The following CSMD3 variants were observed in gnomAD, a reference collection of about 807,000 sequenced individuals.
CSMD3 encodes CUB and Sushi multiple domains 3.
In CSMD3, 177 loss-of-function variants were observed where a neutral mutation model predicts 435.2. The ratio of observed to expected loss-of-function variants is 0.41; its 90% CI spans 0.36 to 0.46. The LOEUF is 0.46. Among genes scored for constraint, CSMD3 ranks in the 20% least tolerant of loss-of-function variants. The probability of loss-of-function intolerance (pLI) is 0.34; values close to 1 mark genes in which losing one functional copy is unlikely to be tolerated. For synonymous variants in CSMD3, 1,656 were observed against 1,520.5 expected (o/e 1.09, Z -2.07); for missense variants, 4,265 against 4,504.6 (o/e 0.95, Z 1.52).
At chr8:112,953,618 T>C (rs2083905128) in intron 8 of CSMD3, among the ~76,000 whole-genome samples, 1 of 151,400 alleles carries the variant, frequency 6.6e-6, no homozygotes, top group African/African-American at 2.4e-5. Context: ...CATTTGAAAA[T>C]TATGACACCA....
chr8:112,881,068 C>A (rs2081433993), intron 10 of CSMD3, among the ~76,000 whole-genome samples: 2 of 152,028 alleles, frequency 1.3e-5, no homozygotes, highest in African/African-American at 2.4e-5. Context: ...ATTCAACCTA[C>A]ACTATGTATT....
chr8:112,710,165 C>T (rs1165201113), intron 13 of CSMD3, among the ~76,000 whole-genome samples: 1 of 151,978 alleles, frequency 6.6e-6, no homozygotes, highest in African/African-American at 2.4e-5. Flanking sequence ...TCAGATAAAG[C>T]CAATTTATTT....
intron 3 of CSMD3, among the ~76,000 whole-genome samples, chr8:113,255,688 G>T (rs1276271542): frequency 6.6e-6 from 1 of 151,884 alleles, no homozygotes; most frequent in African/African-American, 2.4e-5. Context: ...ATAAAAAACA[G>T]AACATATTAC....
intron 35 of CSMD3, among the ~76,000 whole-genome samples, chr8:112,392,147 T>C (rs1586969131): frequency 6.6e-6 from 1 of 152,112 alleles, no homozygotes; most frequent in East Asian, 1.9e-4. Flanking sequence ...TTGCTACAAA[T>C]ATTATTTTAG....
chr8:112,683,382 T>C (rs934231446), intron 15 of CSMD3, among the ~76,000 whole-genome samples: 1 of 152,038 alleles, frequency 6.6e-6, no homozygotes, highest in Non-Finnish European at 1.5e-5. Flanking sequence ...GACCGGATTT[T>C]AATTTCTTCT....
intron 30 of CSMD3, among the ~76,000 whole-genome samples, chr8:112,497,486 T>TATAG (rs1821478625): frequency 6.7e-6 from 1 of 149,676 alleles, no homozygotes; most frequent in South Asian, 2.1e-4. Context: ...CATAAATATA[T>TATAG]ATATATATAT....
intron 27 of CSMD3, among the ~76,000 whole-genome samples, chr8:112,534,524 T>A (rs374825348): frequency 1.3e-5 from 2 of 152,254 alleles, no homozygotes; most frequent in East Asian, 1.9e-4. Context: ...GCTCTGAAAT[T>A]GTGGCAAAAA....
intron 61 of CSMD3, among the ~76,000 whole-genome samples, chr8:112,256,831 T>C (rs1440603138): frequency 6.6e-6 from 1 of 152,172 alleles, no homozygotes; most frequent in Non-Finnish European, 1.5e-5. Context: ...AGGAGGATTA[T>C]AGGTTGGGTG....
intron 28 of CSMD3, among the ~76,000 whole-genome samples, chr8:112,512,016 T>C (rs138047495): frequency 7.2e-5 from 11 of 152,290 alleles, no homozygotes; most frequent in Non-Finnish European, 1.5e-4. Flanking sequence ...GCTCCACTTA[T>C]GATTCTAGTT....
At chr8:112,870,255 C>T (rs866332190) in intron 10 of CSMD3, among the ~76,000 whole-genome samples, 19 of 150,598 alleles carry the variant, frequency 1.3e-4, no homozygotes, top group South Asian at 8.4e-4. Context: ...CACCATCTCA[C>T]GTCAGTCAGA....
chr8:112,247,055 T>G lies in CSMD3; in HGVS notation c.10187A>C (p.Asp3396Ala), dbSNP rs751199442. The change falls in exon 64 of 71, where the codon GAT becomes GCT. Residue 3396 changes from aspartate to alanine, a missense_variant. Coordinates refer to ENST00000297405, the MANE Select transcript of CSMD3 (RefSeq NM_198123.2). Reference sequence around the variant, plus strand: ...AGGCTGAATCCCACTCCACGTAAGATCAGGGAGGCAGGTGCGTGTTGTAGA... The same window carrying G: ...AGGCTGAATCCCACTCCACGTAAGAGCAGGGAGGCAGGTGCGTGTTGTAGA... ...QGSTTRTCLP[D>A]LTWSGIQPEC... The G allele has an allele frequency of 6.2e-7, 1 of 1,613,856 alleles. No homozygotes were observed. Among genetic ancestry groups the G allele is most frequent in the South Asian group, 1.1e-5 (1 of 91,086 alleles).
chr8:112,824,484 T>G (rs934987731), intron 12 of CSMD3, among the ~76,000 whole-genome samples: 4 of 152,198 alleles, frequency 2.6e-5, no homozygotes, highest in Non-Finnish European at 4.4e-5. Flanking sequence ...CAGGAGCTCT[T>G]GTAAGGCAGG....
At chr8:113,323,717 TGGGC>T in intron 1 of CSMD3, among the ~76,000 whole-genome samples, 1 of 152,354 alleles carries the variant, frequency 6.6e-6, no homozygotes, top group African/African-American at 2.4e-5. Context: ...TCAAATTATT[TGGGC>T]TACTCACATT....
chr8:112,880,829 T>C (rs2081426800), intron 10 of CSMD3, among the ~76,000 whole-genome samples: 2 of 152,068 alleles, frequency 1.3e-5, no homozygotes, highest in South Asian at 2.1e-4. Context: ...CATATACAGA[T>C]GGATTTAAGA....
chr8:113,354,370 T>A (rs1008047708), intron 1 of CSMD3, among the ~76,000 whole-genome samples: 17 of 152,196 alleles, frequency 1.1e-4, no homozygotes, highest in African/African-American at 4.1e-4. Context: ...ATTTGCTCTA[T>A]CTTAGGGGAA....
intron 3 of CSMD3, among the ~76,000 whole-genome samples, chr8:113,197,380 G>A (rs544467471): frequency 6.6e-6 from 1 of 150,834 alleles, no homozygotes; most frequent in Non-Finnish European, 1.5e-5. Context: ...ATTATGTTAT[G>A]CAAATACTCC....
intron 16 of CSMD3, among the ~76,000 whole-genome samples, chr8:112,670,650 T>C (rs557143994): frequency 6.6e-6 from 1 of 152,262 alleles, no homozygotes; most frequent in African/African-American, 2.4e-5. Flanking sequence ...GAGTCTAAAC[T>C]GGTCCTTGAG....
chr8:112,970,058 T>G (rs1483441590), intron 7 of CSMD3, among the ~76,000 whole-genome samples: 1 of 151,976 alleles, frequency 6.6e-6, no homozygotes, highest in Non-Finnish European at 1.5e-5. Flanking sequence ...TTTTATACAG[T>G]TTCTGCCAGT....
chr8:112,525,822 A>AC (rs1323954599), intron 27 of CSMD3, among the ~76,000 whole-genome samples: 23 of 72,814 alleles, frequency 3.2e-4, no homozygotes, highest in African/African-American at 1.1e-3. Flanking sequence ...ACACACATAT[A>AC]AAAAATATAT....
Sources: allele counts gnomAD v4.1 joint callset (sites outside exome capture counted in the v4.1 genomes callset), GRCh38; gene constraint gnomAD v4.1.1; transcripts MANE v1.5; gene names NCBI Gene and HGNC (gene_info 2026-07-23, HGNC 2026-07-21).